Variants in SCAF8 observed in about 807,000 individuals in gnomAD.
SCAF8 encodes the protein SR-related CTD associated factor 8.
In SCAF8, 23 loss-of-function variants were observed where a neutral mutation model predicts 140.5. The ratio of observed to expected loss-of-function variants is 0.16; its 90% CI spans 0.12 to 0.23. SCAF8 has a LOEUF of 0.23. SCAF8 is among the 10% of genes least tolerant of loss of function. The pLI, the probability that SCAF8 is intolerant of heterozygous loss-of-function variation, is 1.00. For missense variants in SCAF8, 1,397 were observed against 1,555.7 expected, an observed-to-expected ratio of 0.90 and a Z score of 1.72; for synonymous variants, 575 against 528.9, an observed-to-expected ratio of 1.09 and a Z score of -1.20.
rs562640325 is a variant in SCAF8, at chr6:154,820,070, C to A, written c.1636-107C>A. ...TTGCTTTTCCAGCTGTTTTCTAAAA[C>A]CAATTTTAATGTGTTTACATTGTTT... On this transcript the variant is annotated intron_variant, in intron 14 of 19. Coordinates refer to ENST00000367178, the MANE Select transcript of SCAF8 (RefSeq NM_014892.5). 7.1e-5 allele frequency: 61 copies of A among 855,230 alleles called. No homozygotes were observed. The African/African-American group carries it at 9.7e-4, about 14-fold the overall frequency. 53.0% of individuals were successfully genotyped at this position (855,230 alleles called of 1,614,324 possible).
chr6:154,738,818 A>G (rs1044826096), intron 1 of SCAF8, among the ~76,000 whole-genome samples: 1 of 152,240 alleles, frequency 6.6e-6, no homozygotes. Context: ...TGAGCTGCAT[A>G]TCTATACTCT....
chr6:154,816,236 T>G lies in SCAF8; in HGVS notation c.1521+420T>G, dbSNP rs146045633. Reference sequence around the variant, plus strand: ...CAGCTGGACTTAGGATCCCAGTTTCTTTTGCCTTTTTCTTCTCACTCTCTC... The same window carrying G: ...CAGCTGGACTTAGGATCCCAGTTTCGTTTGCCTTTTTCTTCTCACTCTCTC... On this transcript the variant is annotated intron_variant, in intron 13 of 19. Transcript: ENST00000367178. Among the ~76,000 whole-genome samples, 585 of 152,340 alleles carry G rather than the reference T, an allele frequency of 3.8e-3. 5 individuals carry two copies. Among genetic ancestry groups the G allele is most frequent in the South Asian group, 0.022 (105 of 4,820 alleles).
chr6:154,758,897 G>A (rs1779031210), intron 1 of SCAF8, among the ~76,000 whole-genome samples: 1 of 152,060 alleles, frequency 6.6e-6, no homozygotes, highest in South Asian at 2.1e-4. Context: ...CTTTTTCCTA[G>A]TATTCTGGCT....
chr6:154,791,888 A>G (rs922398376), intron 4 of SCAF8, among the ~76,000 whole-genome samples: 1 of 152,108 alleles, frequency 6.6e-6, no homozygotes, highest in African/African-American at 2.4e-5. Flanking sequence ...GAGACTCTTT[A>G]TGAGGAATAT....
intron 2 of SCAF8, among the ~76,000 whole-genome samples, chr6:154,776,350 A>C (rs2114849891): frequency 6.6e-6 from 1 of 152,150 alleles, no homozygotes; most frequent in East Asian, 1.9e-4. Context: ...TCAGATTTAA[A>C]TGATACTGTG....
At chr6:154,827,895 T>G (rs569902465) in intron 18 of SCAF8, among the ~76,000 whole-genome samples, 1 of 148,866 alleles carries the variant, frequency 6.7e-6, no homozygotes, top group African/African-American at 2.5e-5. Flanking sequence ...CACAGCAAAA[T>G]GGAGCCAAAA....
At chr6:154,772,805 G>A (rs1776808586) in intron 1 of SCAF8, among the ~76,000 whole-genome samples, 1 of 152,086 alleles carries the variant, frequency 6.6e-6, no homozygotes, top group Admixed American at 6.6e-5. Context: ...AGTCTCCCAG[G>A]CTGGAGTGTA....
In SCAF8 at chr6:154,733,824, C is replaced by T. The variant is rs1231526983; in HGVS notation, c.-77C>T. The T allele has an allele frequency of 6.7e-7, 1 of 1,495,826 alleles. No individual in the cohort carries two copies. The highest frequency in any genetic ancestry group is 8.9e-7 in the Non-Finnish European group (1 of 1,127,150). 92.7% of individuals were successfully genotyped at this position (1,495,826 alleles called of 1,614,324 possible). ...CCCTCCTCGCGGCCACGCAGCAGCCCGCGTCTCGCTCTCCCCACCCAGTGC... is the reference window on the plus strand; with the variant it reads ...CCCTCCTCGCGGCCACGCAGCAGCCTGCGTCTCGCTCTCCCCACCCAGTGC... On this transcript the variant is annotated 5_prime_UTR_variant, in exon 1 of 20. Transcript: ENST00000367178.
chr6:154,736,835 A>T (rs1269361781), intron 1 of SCAF8, among the ~76,000 whole-genome samples: 2 of 152,184 alleles, frequency 1.3e-5, no homozygotes, highest in Admixed American at 6.5e-5. Context: ...AAAGAACTTA[A>T]GTCTTGTAAC....
chr6:154,741,753 A>T (rs951880391), intron 1 of SCAF8, among the ~76,000 whole-genome samples: 1 of 152,104 alleles, frequency 6.6e-6, no homozygotes, highest in African/African-American at 2.4e-5. Context: ...AGAATTAGTG[A>T]TAGTATTACT....
chr6:154,788,056 A>G (rs529575988), intron 4 of SCAF8, 34 bp downstream of exon 4: 31 of 1,553,400 alleles, frequency 2.0e-5, no homozygotes, highest in Admixed American at 1.2e-4. Flanking sequence ...TGTTTTTTTA[A>G]AAGTAGATAC....
intron 6 of SCAF8, among the ~76,000 whole-genome samples, chr6:154,795,344 T>G (rs1777569972): frequency 6.6e-6 from 1 of 152,190 alleles, no homozygotes; most frequent in South Asian, 2.1e-4. Context: ...TTATAAAAAT[T>G]TATTCTGTAC....
chr6:154,792,620 C>T lies in SCAF8; in HGVS notation c.322-203C>T, dbSNP rs550407753. Among the ~76,000 whole-genome samples the T allele has an allele frequency of 2.7e-4, 41 of 152,254 alleles. No individual in the cohort carries two copies. The South Asian group carries it at 5.4e-3, about 20-fold the overall frequency. On this transcript the variant is annotated intron_variant, in intron 4 of 19. Coordinates refer to ENST00000367178, the MANE Select transcript of SCAF8 (RefSeq NM_014892.5). ...AGTGGAGCTTTCATTTACTTTGTAC[C>T]TCTATCCAAATTAACATGTTTTCAA...
intron 13 of SCAF8, among the ~76,000 whole-genome samples, chr6:154,817,046 C>T (rs1183701583): frequency 1.3e-5 from 2 of 151,950 alleles, no homozygotes; most frequent in Non-Finnish European, 2.9e-5. Flanking sequence ...TAGATTTTAC[C>T]TGTCAAAACA....
At chr6:154,773,626 C>T (rs1275503340) in intron 1 of SCAF8, among the ~76,000 whole-genome samples, 1 of 152,108 alleles carries the variant, frequency 6.6e-6, no homozygotes, top group East Asian at 1.9e-4. Flanking sequence ...GGGTACATAC[C>T]TAGAAGTGGA....
At chr6:154,760,995 C>T (rs1035053617) in intron 1 of SCAF8, among the ~76,000 whole-genome samples, 7 of 151,622 alleles carry the variant, frequency 4.6e-5, no homozygotes, top group Non-Finnish European at 5.9e-5. Context: ...AGAGGCAGGG[C>T]CTTGCTGTGC....
At chr6:154,809,938 T>G in intron 11 of SCAF8, 77 bp from the exon 12 acceptor site, 1 of 1,172,954 alleles carries the variant, frequency 8.5e-7, no homozygotes, top group South Asian at 1.4e-5. Flanking sequence ...TGTTATTGTT[T>G]TTTCCCTCAC....
At chr6:154,733,408 A>C (rs984485143), upstream of SCAF8, 14 of 1,397,580 alleles carry the variant, frequency 1.0e-5, no homozygotes, top group Admixed American at 2.9e-5. Context: ...GCCCGACTCG[A>C]GTCCGCCATA....
intron 9 of SCAF8, among the ~76,000 whole-genome samples, chr6:154,806,119 A>G (rs1777905738): frequency 6.6e-6 from 1 of 152,162 alleles, no homozygotes; most frequent in Admixed American, 6.5e-5. Context: ...CGGTTATTTT[A>G]TGCATAGCTA....
Sources: allele counts gnomAD v4.1 joint callset (sites outside exome capture counted in the v4.1 genomes callset), GRCh38; gene constraint gnomAD v4.1.1; transcripts MANE v1.5; gene names NCBI Gene and HGNC (gene_info 2026-07-23, HGNC 2026-07-21).